Variants in DPP10 observed in about 807,000 individuals in gnomAD.
DPP10 encodes inactive dipeptidyl peptidase 10.
A neutral mutation model predicts 120.9 loss-of-function variants in DPP10; 33 were observed. The ratio of observed to expected loss-of-function variants is 0.27; its 90% CI spans 0.21 to 0.37. The LOEUF (loss-of-function observed/expected upper bound fraction) is 0.37. Among genes scored for constraint, DPP10 ranks in the 10% least tolerant of loss-of-function variants. DPP10 has a pLI of 1.00. For synonymous variants in DPP10, 337 were observed against 326.1 expected (o/e 1.03, Z -0.36); for missense variants, 816 against 942.8 (o/e 0.87, Z 1.76).
intron 21 of DPP10, among the ~76,000 whole-genome samples, chr2:115,821,686 T>G (rs997361079): frequency 6.6e-6 from 1 of 151,974 alleles, no homozygotes; most frequent in Non-Finnish European, 1.5e-5. Flanking sequence ...TTTTTCTCTT[T>G]CATTCTTTTT....
intron 5 of DPP10, among the ~76,000 whole-genome samples, chr2:115,681,969 A>T (rs2090693159): frequency 1.3e-5 from 2 of 151,902 alleles, no homozygotes; most frequent in Admixed American, 1.3e-4. Flanking sequence ...TGGTTTATTC[A>T]GTTAACAAGG....
chr2:115,558,803 G>A (rs1246082879), intron 5 of DPP10, among the ~76,000 whole-genome samples: 1 of 152,144 alleles, frequency 6.6e-6, no homozygotes, highest in Non-Finnish European at 1.5e-5. Context: ...AGTTCAGAAA[G>A]GCAGTAGGGA....
intron 5 of DPP10, among the ~76,000 whole-genome samples, chr2:115,580,626 G>C (rs1249679232): frequency 6.6e-6 from 1 of 152,028 alleles, no homozygotes; most frequent in Non-Finnish European, 1.5e-5. Flanking sequence ...TGCATCTGCT[G>C]TTCTATCTAC....
intron 5 of DPP10, among the ~76,000 whole-genome samples, chr2:115,550,963 T>G (rs539055429): frequency 3.3e-5 from 5 of 152,252 alleles, no homozygotes; most frequent in African/African-American, 1.2e-4. Context: ...AAAATATAAT[T>G]TATTGTCAAT....
intron 21 of DPP10, among the ~76,000 whole-genome samples, chr2:115,825,325 T>A (rs1349484845): frequency 6.6e-6 from 1 of 152,188 alleles, no homozygotes; most frequent in Admixed American, 6.5e-5. Flanking sequence ...CATTAACCAT[T>A]CACTCAATCT....
intron 1 of DPP10, among the ~76,000 whole-genome samples, chr2:114,783,545 G>C (rs1417722838): frequency 6.6e-6 from 1 of 152,072 alleles, no homozygotes; most frequent in Non-Finnish European, 1.5e-5. Context: ...AACTTAAACT[G>C]TTTCCCATCT....
intron 1 of DPP10, among the ~76,000 whole-genome samples, chr2:114,871,266 G>GCTAC (rs1258247286): frequency 3.6e-5 from 3 of 82,664 alleles, no homozygotes; most frequent in African/African-American, 7.2e-5. Context: ...GAACACTGAA[G>GCTAC]AAACAAGACT....
At chr2:115,275,734 C>G (rs142138905) in intron 1 of DPP10, among the ~76,000 whole-genome samples, 8,584 of 140,684 alleles carry the variant, frequency 0.061, 353 homozygotes, top group Non-Finnish European at 0.087. Flanking sequence ...GAGTCTCGCT[C>G]TGTCGCCCAG....
chr2:115,373,893 G>C (rs2065596433), intron 3 of DPP10, among the ~76,000 whole-genome samples: 1 of 151,496 alleles, frequency 6.6e-6, no homozygotes, highest in South Asian at 2.1e-4. Context: ...AGAAGAGAGA[G>C]AGAGAGAGAG....
intron 1 of DPP10, among the ~76,000 whole-genome samples, chr2:114,964,576 T>C (rs954688263): frequency 2.0e-5 from 3 of 151,932 alleles, no homozygotes; most frequent in African/African-American, 7.3e-5. Flanking sequence ...AGGAGAAGAC[T>C]ATCCAAGCAG....
chr2:115,345,343 T>C (rs1373105213), intron 3 of DPP10, among the ~76,000 whole-genome samples: 2 of 152,148 alleles, frequency 1.3e-5, no homozygotes, highest in Non-Finnish European at 2.9e-5. Context: ...GTGCTATGAC[T>C]AAAGAAGGCT....
At chr2:115,541,510 GAGATTTTTA>G (rs1220663071) in intron 5 of DPP10, among the ~76,000 whole-genome samples, 1 of 151,716 alleles carries the variant, frequency 6.6e-6, no homozygotes, top group African/African-American at 2.4e-5. Flanking sequence ...GAGAGAGAGA[GAGATTTTTA>G]AAATTTAACC....
chr2:115,469,023 C>T (rs542483098), intron 3 of DPP10: 17 of 198,520 alleles, frequency 8.6e-5, no homozygotes, highest in Admixed American at 1.7e-4. Flanking sequence ...TGCAGTGGTG[C>T]GATAGCTGAC....
chr2:115,530,136 A>G (rs1409177261), intron 5 of DPP10, among the ~76,000 whole-genome samples: 2 of 152,076 alleles, frequency 1.3e-5, no homozygotes, highest in Non-Finnish European at 2.9e-5. Context: ...ATTTAAATAA[A>G]TTTTAGAAAC....
chr2:115,347,622 T>A (rs965038268), intron 3 of DPP10, among the ~76,000 whole-genome samples: 11 of 152,022 alleles, frequency 7.2e-5, no homozygotes, highest in African/African-American at 2.7e-4. Flanking sequence ...CCTAATGCTA[T>A]CCCTCCCCTA....
chr2:115,018,704 C>A (rs997570915), intron 1 of DPP10, among the ~76,000 whole-genome samples: 2 of 151,884 alleles, frequency 1.3e-5, no homozygotes, highest in South Asian at 4.2e-4. Flanking sequence ...CACACTAGAG[C>A]CTGTTGGGGG....
chr2:114,528,324 CT>C (rs1288338764), intron 1 of DPP10, among the ~76,000 whole-genome samples: 2 of 152,180 alleles, frequency 1.3e-5, no homozygotes, highest in African/African-American at 2.4e-5. Context: ...GCCAGAAGTG[CT>C]TGTGACTCTA....
intron 3 of DPP10, among the ~76,000 whole-genome samples, chr2:115,485,757 T>C (rs2075740133): frequency 6.6e-6 from 1 of 152,140 alleles, no homozygotes; most frequent in Non-Finnish European, 1.5e-5. Flanking sequence ...AACAAAATTC[T>C]TCAATACTAC....
At chr2:115,832,515 G>T (rs1443291279) in intron 21 of DPP10, among the ~76,000 whole-genome samples, 3 of 152,090 alleles carry the variant, frequency 2.0e-5, no homozygotes, top group African/African-American at 4.8e-5. Context: ...TCTAATTTTT[G>T]CCAGTGTCGA....
Sources: gnomAD v4.1 joint callset for allele counts (sites outside exome capture counted in the v4.1 genomes callset) on GRCh38, gnomAD v4.1.1 for gene constraint, MANE v1.5 for transcripts, NCBI Gene and HGNC (gene_info 2026-07-23, HGNC 2026-07-21) for gene names.